Variants in EML1 observed in about 807,000 individuals in gnomAD.
The protein encoded by EML1 is EMAP like 1.
EML1 carries 27 observed loss-of-function variants against 110.4 expected under a neutral mutation model. The ratio of observed to expected loss-of-function variants is 0.24; its 90% CI spans 0.18 to 0.34. EML1 has a LOEUF of 0.34. EML1 is among the 10% of genes least tolerant of loss of function. The pLI is 1.00. For synonymous variants in EML1, 344 were observed against 385.8 expected (o/e 0.89, Z 1.27); for missense variants, 741 against 1,030.9 (o/e 0.72, Z 3.85).
At chr14:99,880,337 G>A (rs1350850099) in intron 4 of EML1, among the ~76,000 whole-genome samples, 1 of 152,130 alleles carries the variant, frequency 6.6e-6, no homozygotes, top group Admixed American at 6.6e-5. Context: ...AAGCAGCTAA[G>A]ACTCGGTAGA....
chr14:99,767,669 A>G (rs1468163707), intron 1 of EML1, among the ~76,000 whole-genome samples: 1 of 152,192 alleles, frequency 6.6e-6, no homozygotes, highest in Admixed American at 6.5e-5. Flanking sequence ...TCCTTTGAAA[A>G]AAATGCAAGA....
chr14:99,779,116 T>A (rs867083759), intron 1 of EML1, among the ~76,000 whole-genome samples: 3 of 152,210 alleles, frequency 2.0e-5, no homozygotes, highest in Non-Finnish European at 4.4e-5. Context: ...CTTTGATGAT[T>A]TCCCTTCCTC....
At position 99,876,315 on chromosome 14, in the gene EML1, G is replaced by A. The variant is rs539926321; in HGVS notation, c.384-2170G>A. On this transcript the variant is annotated intron_variant, in intron 3 of 21. Coordinates refer to ENST00000262233, the MANE Select transcript of EML1 (RefSeq NM_004434.3). ...CTGTGTTAAGTTCCTCAGCTCCTGC[G>A]TGCTCCTTGTTGAGATCTGGTCCCC... Among the ~76,000 whole-genome samples the A allele has an allele frequency of 3.2e-4, 49 of 152,248 alleles. No individual in the cohort carries two copies. In the South Asian group the frequency reaches 9.7e-3, roughly 30 times the overall value.
intron 8 of EML1, 146 bp from the exon 9 acceptor site, chr14:99,900,783 T>C: frequency 1.5e-6 from 1 of 663,738 alleles, no homozygotes; most frequent in Non-Finnish European, 2.6e-6. Context: ...TTTATTTACA[T>C]AAAAAGGCAG....
At chr14:99,805,956 T>C (rs770911470) in intron 1 of EML1, among the ~76,000 whole-genome samples, 4 of 152,098 alleles carry the variant, frequency 2.6e-5, no homozygotes, top group Admixed American at 6.6e-5. Flanking sequence ...CTGTCCCCAT[T>C]ACATAATTCC....
intron 7 of EML1, among the ~76,000 whole-genome samples, chr14:99,897,662 T>C (rs891356408): frequency 6.6e-6 from 1 of 152,202 alleles, no homozygotes; most frequent in African/African-American, 2.4e-5. Flanking sequence ...GCCACCTCTT[T>C]GGAGGCCTTC....
chr14:99,758,120 C>T (rs2057276190), intron 1 of EML1, among the ~76,000 whole-genome samples: 1 of 152,204 alleles, frequency 6.6e-6, no homozygotes, highest in Non-Finnish European at 1.5e-5. Flanking sequence ...AAGAAAAGAA[C>T]ACTGACACTG....
At position 99,878,513 on chromosome 14, in the gene EML1, C is replaced by A. The variant is rs886037935; in HGVS notation, c.412C>A (p.Arg138=). ...CATCAAGAGGACCAGCTCTTCTGAA[C>A]GAGTGTCTCCTGGGGGTCGAAGGGA... ...SNIKRTSSSE[R]VSPGGRRESN... is the part of the protein sequence containing the mutation. Residue 138 remains arginine (R), a synonymous_variant, in exon 4 of 22, where the codon CGA becomes AGA. Transcript: ENST00000262233. 2 of 1,613,746 alleles carry A rather than the reference C, an allele frequency of 1.2e-6. No homozygotes were observed. Among genetic ancestry groups the A allele is most frequent in the Non-Finnish European group, 1.7e-6 (2 of 1,179,906 alleles).
chr14:99,739,377 G>A (rs151330330), intron 1 of EML1, among the ~76,000 whole-genome samples: 95 of 152,294 alleles, frequency 6.2e-4, no homozygotes, highest in East Asian at 1.5e-3. Context: ...AAAGCCACCC[G>A]CATGGAGATG....
At position 99,817,724 on chromosome 14, in the gene EML1, A is replaced by AGGTGCTG. The variant is rs376581402; in HGVS notation, c.67+24184_67+24190dup. Among the ~76,000 whole-genome samples the AGGTGCTG allele has an allele frequency of 1.5e-3, 232 of 152,276 alleles. 2 individuals are homozygous for AGGTGCTG. The highest frequency in any genetic ancestry group is 5.3e-3 in the African/African-American group (220 of 41,550). ...CCGACTCTGTGCCAGGTGTTGTGCTAGGTGCTGGGGATACTCAGATGAACG... is the reference window on the plus strand; with the variant it reads ...CCGACTCTGTGCCAGGTGTTGTGCTAGGTGCTGGGTGCTGGGGATACTCAGATGAACG... On this transcript the variant is annotated intron_variant, in intron 1 of 21. Transcript: ENST00000262233.
chr14:99,770,636 ACAGGGATGTTC>A (rs2057415647), upstream of EML1, among the ~76,000 whole-genome samples: 1 of 152,106 alleles, frequency 6.6e-6, no homozygotes, highest in African/African-American at 2.4e-5. Flanking sequence ...CATTTGTAAA[ACAGGGATGTTC>A]CTATCACCTG....
chr14:99,828,747 A>G (rs1474895355), intron 1 of EML1, among the ~76,000 whole-genome samples: 1 of 152,204 alleles, frequency 6.6e-6, no homozygotes, highest in Non-Finnish European at 1.5e-5. Context: ...CAGTTGATAA[A>G]CACATATTTT....
In EML1 at chr14:99,939,210, A is replaced by G. The variant is rs767979288; in HGVS notation, c.2205A>G (p.Glu735=). ...LGFHVFGVWP[E]GSDGTDINAV... is the part of the protein sequence containing the mutation. ...TCTTTGTTTTAGGAGTGTGGCCAGA[A>G]GGCTCGGACGGAACCGACATCAATG... The change falls in exon 21 of 22, where the codon GAA becomes GAG. Residue 735 remains glutamate (E), a synonymous_variant. Coordinates refer to ENST00000262233, the MANE Select transcript of EML1 (RefSeq NM_004434.3). This position sits in a 1 kb window ranked among gnomAD's most constrained non-coding sequence, Gnocchi z 4.2. 38 of 1,614,008 alleles carry G rather than the reference A, an allele frequency of 2.4e-5. No individual in the cohort carries two copies. The highest frequency in any genetic ancestry group is 3.1e-5 in the Non-Finnish European group (37 of 1,180,018).
At position 99,878,547 on chromosome 14, in the gene EML1, G is replaced by C. The variant is rs1304751208; in HGVS notation, c.446G>C (p.Gly149Ala). ...VSPGGRRESN[G>A]DSRGNRNRTG... ...CCTGGGGGTCGAAGGGAAAGCAATG[G>C]GGATTCCAGAGGAAACCGGAATCGC... The change falls in exon 4 of 22, where the codon GGG becomes GCG. Residue 149 changes from glycine to alanine, a missense_variant. Transcript: ENST00000262233. 5 of 1,613,954 alleles carry C rather than the reference G, an allele frequency of 3.1e-6. No homozygotes were observed. The Admixed American group carries it at 8.3e-5, about 27-fold the overall frequency.
intron 1 of EML1, among the ~76,000 whole-genome samples, chr14:99,849,657 C>G (rs2058760284): frequency 6.6e-6 from 1 of 151,560 alleles, no homozygotes; most frequent in South Asian, 2.1e-4. Flanking sequence ...AAGTGATGCT[C>G]CCACCTGAGC....
At position 99,784,688 on chromosome 14, in the gene EML1, G is replaced by A. The variant is rs950541768; in HGVS notation, c.-27+10675G>A. 1.3e-5 allele frequency among the ~76,000 whole-genome samples: 2 copies of A among 152,160 alleles called. No homozygotes were observed. The highest frequency in any genetic ancestry group is 2.9e-5 in the Non-Finnish European group (2 of 68,036). ...TCTTTATCACACAGTGTTGTTTCTC[G>A]GCCAGTGCCTCTCCCCCATTCCAGC... On this transcript the variant is annotated intron_variant, in intron 1 of 22. Transcript: ENST00000327921. This position sits in a 1 kb window ranked among gnomAD's most constrained non-coding sequence, Gnocchi z 4.5.
chr14:99,898,089 G>T (rs1422752840), intron 7 of EML1, 144 bp from the exon 8 acceptor site: 5 of 542,044 alleles, frequency 9.2e-6, no homozygotes, highest in Non-Finnish European at 1.2e-5. Flanking sequence ...ACGTCGTGGT[G>T]CTCAGAGAAT....
chr14:99,776,853 A>AT (rs1372997632), intron 1 of EML1, among the ~76,000 whole-genome samples: 2 of 152,166 alleles, frequency 1.3e-5, no homozygotes, highest in African/African-American at 4.8e-5. Context: ...ATTGTGCAGG[A>AT]TTTTTTTCCT....
At chr14:99,919,677 T>A (rs2060098037) in intron 16 of EML1, among the ~76,000 whole-genome samples, 1 of 152,194 alleles carries the variant, frequency 6.6e-6, no homozygotes, top group Admixed American at 6.5e-5. Flanking sequence ...CTCTTGCCAT[T>A]CAGGTCCTAG....
Sources: allele counts gnomAD v4.1 joint callset (sites outside exome capture counted in the v4.1 genomes callset), GRCh38; gene constraint gnomAD v4.1.1; non-coding constraint Gnocchi (gnomAD v3.1); transcripts MANE v1.5; gene names NCBI Gene and HGNC (gene_info 2026-07-23, HGNC 2026-07-21).